The following POMZP3 variants were observed in gnomAD, a reference collection of about 807,000 sequenced individuals.
POMZP3 encodes the protein POM121 and ZP3 fusion, also known as POM121 and ZP3 fusion protein.
A neutral mutation model predicts 19.8 loss-of-function variants in POMZP3; 10 were observed. The observed-to-expected ratio is 0.51, with a 90% confidence interval of 0.31 to 0.86. The LOEUF (loss-of-function observed/expected upper bound fraction) is 0.86. Ranked by LOEUF, POMZP3 falls within the 40% of genes least tolerant of loss-of-function variation. The probability of loss-of-function intolerance (pLI) is 0.04; values close to 1 mark genes in which losing one functional copy is unlikely to be tolerated. For synonymous variants in POMZP3, 57 were observed against 85.8 expected, an observed-to-expected ratio of 0.66 and a Z score of 1.85; for missense variants, 152 against 228.1, an observed-to-expected ratio of 0.67 and a Z score of 2.15.
intron 3 of POMZP3, among the ~76,000 whole-genome samples, chr7:76,624,826 C>T (rs530515285): frequency 2.0e-5 from 3 of 151,650 alleles, no homozygotes; most frequent in East Asian, 3.9e-4. Context: ...TTTCCTTCAG[C>T]ACAATTAAGA....
At chr7:76,621,751 T>C (rs1430922675) in intron 3 of POMZP3, among the ~76,000 whole-genome samples, 1 of 151,574 alleles carries the variant, frequency 6.6e-6, no homozygotes, top group Non-Finnish European at 1.5e-5. Flanking sequence ...CCATCCTGGC[T>C]AACACGGTGA....
At chr7:76,611,142 G>A (rs7808670) in intron 6 of POMZP3, among the ~76,000 whole-genome samples, 74,869 of 138,502 alleles carry the variant, frequency 0.54, 20,700 homozygotes, top group Middle Eastern at 0.7. Context: ...CCAAAGTGTT[G>A]GGATTACAGG....
chr7:76,619,895 T>G (rs1815459421), intron 3 of POMZP3, among the ~76,000 whole-genome samples: 1 of 96,446 alleles, frequency 1.0e-5, no homozygotes, highest in Non-Finnish European at 2.1e-5. Context: ...GGGACACCCC[T>G]GTGGTCCCAG....
chr7:76,623,021 A>G (rs952372258), intron 3 of POMZP3, among the ~76,000 whole-genome samples: 1 of 151,556 alleles, frequency 6.6e-6, no homozygotes, highest in Admixed American at 6.6e-5. Flanking sequence ...GGCACTCACC[A>G]CCATGCCTGG....
rs1486395223 is a variant in POMZP3 at position 76,626,782 on chromosome 7, C to CAGCGGGGAG, written c.-227_-226insCTCCCCGCT. The CAGCGGGGAG allele has an allele frequency of 7.6e-7, 1 of 1,311,816 alleles. No individual in the cohort carries two copies. The highest frequency in any genetic ancestry group is 4.1e-5 in the Admixed American group (1 of 24,682). The allele number at this position is 1,311,816 out of a possible 1,614,324, so 81.3% of individuals were successfully genotyped here. On this transcript the variant is annotated 5_prime_UTR_variant, in exon 1 of 7. The change creates a premature stop within an existing upstream ORF in the 5' untranslated region. Coordinates refer to ENST00000310842, the MANE Select transcript of POMZP3 (RefSeq NM_012230.5). ...GGTAAAAGTGGTGAACGCGATGGGT[C>CAGCGGGGAG]GGCGGGGAGGGCGGTGTGGAGCGCG...
At chr7:76,624,292 T>C (rs1815734196) in intron 3 of POMZP3, among the ~76,000 whole-genome samples, 2 of 151,216 alleles carry the variant, frequency 1.3e-5, no homozygotes, top group African/African-American at 4.9e-5. Flanking sequence ...CTCATGCCTG[T>C]AATCCCAGCA....
In POMZP3 at chr7:76,627,167, C is replaced by G. The variant is rs1193642020; in HGVS notation, c.-611G>C. 6.9e-7 allele frequency: 1 copy of G among 1,446,724 alleles called. No homozygotes were observed. Among genetic ancestry groups the G allele is most frequent in the African/African-American group, 1.4e-5 (1 of 70,060 alleles). The allele number at this position is 1,446,724 out of a possible 1,614,324, so 89.6% of individuals were successfully genotyped here. A position where few individuals can be genotyped will look rare whatever the true frequency, so the allele number is the denominator to read the frequency against. ...AGTAGGAGGCCGACCAGCGACAGGCCGAGAAGCGCCGCCCCGGCCGGCCCT... is the reference window on the plus strand; with the variant it reads ...AGTAGGAGGCCGACCAGCGACAGGCGGAGAAGCGCCGCCCCGGCCGGCCCT... On this transcript the variant is annotated 5_prime_UTR_variant, in exon 1 of 7. Coordinates refer to ENST00000310842, the MANE Select transcript of POMZP3 (RefSeq NM_012230.5).
chr7:76,623,585 GGTCAGGA>G (rs1368325374), intron 3 of POMZP3, among the ~76,000 whole-genome samples: 1 of 147,960 alleles, frequency 6.8e-6, no homozygotes, highest in East Asian at 2.0e-4. Flanking sequence ...GATCACCTGA[GGTCAGGA>G]GTTTCAGACC....
At chr7:76,621,155 G>A (rs1003094735) in intron 3 of POMZP3, 1 of 150,038 alleles carries the variant, frequency 6.7e-6, no homozygotes, top group East Asian at 2.0e-4. Context: ...CACCGGAGAC[G>A]CCAGGTGATG....
chr7:76,610,911 G>C (rs1475956844), intron 6 of POMZP3, among the ~76,000 whole-genome samples: 2 of 145,556 alleles, frequency 1.4e-5, no homozygotes, highest in African/African-American at 2.6e-5. Flanking sequence ...TTTTACTCTT[G>C]TTGCCCAGGC....
Position 76,626,921 on chromosome 7 carries a change from C to T in POMZP3, c.-365G>A, listed in dbSNP as rs890973146. Reference sequence around the variant, plus strand: ...AGGTAACTGCCCATGAGGAGCAGTTCGGCAGGGTCAGGTCCTTCGAGCAGG... The same window carrying T: ...AGGTAACTGCCCATGAGGAGCAGTTTGGCAGGGTCAGGTCCTTCGAGCAGG... On this transcript the variant is annotated 5_prime_UTR_variant, in exon 1 of 7. Transcript: ENST00000310842. 3.4e-5 allele frequency: 48 copies of T among 1,395,892 alleles called. No individual in the cohort carries two copies. The Middle Eastern group carries it at 7.9e-4, about 23-fold the overall frequency. 86.5% of individuals were successfully genotyped at this position (1,395,892 alleles called of 1,614,324 possible). A position where few individuals can be genotyped will look rare whatever the true frequency, so the allele number is the denominator to read the frequency against.
Position 76,614,239 on chromosome 7 carries a change from A to G in POMZP3, c.346-2426T>C, listed in dbSNP as rs1364642586. On this transcript the variant is annotated intron_variant, in intron 4 of 6. Coordinates refer to ENST00000310842, the MANE Select transcript of POMZP3 (RefSeq NM_012230.5). ...TCTAAGATCCCAGGGCAGTTCCCCT[A>G]TAGCGGCCTTTTAGAAGCAGGGTCT... 4.4e-5 allele frequency among the ~76,000 whole-genome samples: 4 copies of G among 90,212 alleles called. 1 individual carries two copies. Among genetic ancestry groups the G allele is most frequent in the Admixed American group, 2.2e-4 (2 of 9,108 alleles). The allele number at this position is 90,212 out of a possible 152,430, so 59.2% of individuals were successfully genotyped here. A position where few individuals can be genotyped will look rare whatever the true frequency, so the allele number is the denominator to read the frequency against.
At chr7:76,610,557 CAGG>C (rs1421849718) in intron 6 of POMZP3, among the ~76,000 whole-genome samples, 1 of 151,846 alleles carries the variant, frequency 6.6e-6, no homozygotes, top group Admixed American at 6.6e-5. Flanking sequence ...GAGGCTGAGG[CAGG>C]AGAATAGCTT....
At chr7:76,613,526 C>G (rs1417946624) in intron 4 of POMZP3, among the ~76,000 whole-genome samples, 1 of 26,474 alleles carries the variant, frequency 3.8e-5, no homozygotes, top group Non-Finnish European at 6.1e-5. Context: ...TTTTTTTTTT[C>G]TGAGACGGAG....
chr7:76,623,547 C>T (rs1433689156), intron 3 of POMZP3, among the ~76,000 whole-genome samples: 6 of 147,502 alleles, frequency 4.1e-5, no homozygotes, highest in Non-Finnish European at 7.4e-5. Flanking sequence ...GCCTGTAATC[C>T]CAACACTTTG....
intron 4 of POMZP3, among the ~76,000 whole-genome samples, chr7:76,612,922 G>GTT (rs1370049293): frequency 2.9e-5 from 2 of 68,366 alleles, no homozygotes; most frequent in Non-Finnish European, 5.5e-5. Flanking sequence ...TTTTTTTTTT[G>GTT]TTTTTTTTTT....
In POMZP3 at chr7:76,616,790, A is replaced by G. The variant is rs1815307114; in HGVS notation, c.345+1393T>C. Among the ~76,000 whole-genome samples the G allele has an allele frequency of 2.1e-5, 2 of 94,572 alleles. 1 individual carries two copies. The highest frequency in any genetic ancestry group is 8.6e-5 in the African/African-American group (2 of 23,376). 62.0% of individuals were successfully genotyped at this position (94,572 alleles called of 152,430 possible). A position where few individuals can be genotyped will look rare whatever the true frequency, so the allele number is the denominator to read the frequency against. On this transcript the variant is annotated intron_variant, in intron 4 of 6. Transcript: ENST00000310842. ...AGAAATGCTTGAACCCAGGAGGTAG[A>G]GGTTGCAGTGAGCCGAGACTGTGCC...
At chr7:76,623,019 C>T (rs1476087747) in intron 3 of POMZP3, among the ~76,000 whole-genome samples, 4 of 151,798 alleles carry the variant, frequency 2.6e-5, no homozygotes, top group Non-Finnish European at 5.9e-5. Context: ...CAGGCACTCA[C>T]CACCATGCCT....
intron 3 of POMZP3, among the ~76,000 whole-genome samples, chr7:76,622,771 G>A (rs62475945): frequency 0.17 from 25,805 of 151,628 alleles, 2,477 homozygotes; most frequent in South Asian, 0.27. Flanking sequence ...GAACTCCTGA[G>A]CTCAAGCGAT....
Sources: allele counts gnomAD v4.1 joint callset (sites outside exome capture counted in the v4.1 genomes callset), GRCh38; gene constraint gnomAD v4.1.1; transcripts MANE v1.5; gene names NCBI Gene and HGNC (gene_info 2026-07-23, HGNC 2026-07-21).